MYLK4: variants seen among roughly 807,000 people sequenced by gnomAD.
MYLK4 encodes the protein caMLCK like.
In MYLK4, 46 loss-of-function variants were observed where a neutral mutation model predicts 48.1. That is an observed-to-expected ratio of 0.96 (90% confidence interval 0.75 to 1.22). The LOEUF (loss-of-function observed/expected upper bound fraction) is 1.22. MYLK4 is among the 50% of genes most tolerant of loss of function. The probability of loss-of-function intolerance (pLI) is 0.00; values close to 1 mark genes in which losing one functional copy is unlikely to be tolerated. For missense variants in MYLK4, 451 were observed against 486.1 expected, an observed-to-expected ratio of 0.93 and a Z score of 0.68; for synonymous variants, 170 against 180.8, an observed-to-expected ratio of 0.94 and a Z score of 0.48.
At chr6:2,694,565 AGTGGTAGTGCTGC>A (rs1761976632) in intron 2 of MYLK4, among the ~76,000 whole-genome samples, 11 of 32,732 alleles carry the variant, frequency 3.4e-4, no homozygotes, top group Non-Finnish European at 4.3e-4. Context: ...TCGTGGTGGT[AGTGGTAGTGCTGC>A]TGGTGGTGGT....
Position 2,683,015 on chromosome 6 carries a change from C to T in MYLK4, c.687+6G>A. 6.2e-7 allele frequency: 1 copy of T among 1,614,122 alleles called. No homozygotes were observed. Among genetic ancestry groups the T allele is most frequent in the Admixed American group, 1.7e-5 (1 of 60,028 alleles). On this transcript the variant is annotated splice_donor_region_variant and intron_variant, in intron 7 of 12. Transcript: ENST00000274643. The stretch of plus-strand genomic sequence containing the variant: ...TTACGTCTCACAGGATACAAAACAC[C>T]CTTACCTTCAGGTCCAAGTGGAGAA...
intron 2 of MYLK4, among the ~76,000 whole-genome samples, chr6:2,719,473 A>C (rs1191524343): frequency 6.6e-6 from 1 of 152,216 alleles, no homozygotes; most frequent in Non-Finnish European, 1.5e-5. Flanking sequence ...AAAGCAACTA[A>C]ATACAGTAAC....
intron 10 of MYLK4, among the ~76,000 whole-genome samples, chr6:2,675,999 G>T (rs1156616727): frequency 6.6e-6 from 1 of 151,464 alleles, no homozygotes; most frequent in African/African-American, 2.4e-5. Context: ...GGCTGAGGAA[G>T]GAGAATCACG....
chr6:2,764,298 C>T, the MYLK4 span, among the ~76,000 whole-genome samples: 1 of 152,084 alleles, frequency 6.6e-6, no homozygotes, highest in Non-Finnish European at 1.5e-5. Context: ...CAGCCTGTAA[C>T]CCCAGGACGA....
At chr6:2,678,505 A>G in intron 9 of MYLK4, 133 bp from the exon 10 acceptor site, 1 of 1,010,472 alleles carries the variant, frequency 9.9e-7, no homozygotes. Flanking sequence ...TAATTTTATA[A>G]CATATTATTG....
At chr6:2,676,319 T>C (rs1178143276) in intron 10 of MYLK4, among the ~76,000 whole-genome samples, 4 of 152,262 alleles carry the variant, frequency 2.6e-5, no homozygotes, top group Admixed American at 2.6e-4. Context: ...ACCATTATAG[T>C]GCCAAAAACA....
chr6:2,766,214 A>G, the MYLK4 span: 4 of 1,469,994 alleles, frequency 2.7e-6, no homozygotes, highest in South Asian at 1.3e-5. Flanking sequence ...CGAAGCCGCC[A>G]CCGCCTTCGG....
At chr6:2,689,570 C>T (rs1761696147) in intron 3 of MYLK4, among the ~76,000 whole-genome samples, 1 of 152,204 alleles carries the variant, frequency 6.6e-6, no homozygotes, top group South Asian at 2.1e-4. Context: ...ACTTTCTCCC[C>T]TTCCACCTTA....
chr6:2,748,915 T>G (rs1764189379), intron 2 of MYLK4, among the ~76,000 whole-genome samples: 1 of 152,246 alleles, frequency 6.6e-6, no homozygotes, highest in African/African-American at 2.4e-5. Flanking sequence ...AGCCACTAAC[T>G]AAAAGTGAAG....
intron 2 of MYLK4, among the ~76,000 whole-genome samples, chr6:2,723,930 G>A (rs959943487): frequency 2.0e-5 from 3 of 152,090 alleles, no homozygotes; most frequent in Non-Finnish European, 4.4e-5. Context: ...AGACTGGAGG[G>A]CAGTGGCGTG....
the MYLK4 span, chr6:2,765,629 G>A: frequency 2.0e-6 from 3 of 1,534,140 alleles, no homozygotes; most frequent in South Asian, 3.5e-5. Context: ...CGCCATGGAG[G>A]TGAGCGGGCC....
rs755428233 is a variant in MYLK4 at position 2,679,292 on chromosome 6, A to T, written c.875T>A (p.Ile292Asn). 3 of 1,614,194 alleles carry T rather than the reference A, an allele frequency of 1.9e-6. No individual in the cohort carries two copies. The South Asian group carries it at 3.3e-5, about 18-fold the overall frequency. ...FPTDMWSVGV[I>N]AYMLLSGLSP... ...GAGAGCTACTCACAGCATATAGGCG[A>T]TGACCCCCACACTCCACATGTCAGT... The change falls in exon 9 of 13, where the codon ATC (isoleucine) becomes AAC (asparagine). Residue 292 changes from isoleucine (I) to asparagine (N), a missense_variant. Transcript: ENST00000274643.
chr6:2,729,086 G>A (rs540373326), intron 2 of MYLK4, among the ~76,000 whole-genome samples: 1 of 152,268 alleles, frequency 6.6e-6, no homozygotes, highest in East Asian at 1.9e-4. Flanking sequence ...CTCACGCTTG[G>A]GATCCCAAGG....
chr6:2,761,041 T>G, the MYLK4 span, among the ~76,000 whole-genome samples: 2 of 152,190 alleles, frequency 1.3e-5, no homozygotes, highest in African/African-American at 4.8e-5. Flanking sequence ...ACCTTAGGTA[T>G]GAACATGAAG....
chr6:2,763,167 A>G, the MYLK4 span, among the ~76,000 whole-genome samples: 1 of 152,194 alleles, frequency 6.6e-6, no homozygotes, highest in African/African-American at 2.4e-5. Context: ...GTGTGTTTAC[A>G]AACCTTGAGC....
chr6:2,713,388 GA>G (rs10718980), intron 2 of MYLK4, among the ~76,000 whole-genome samples: 124,078 of 149,322 alleles, frequency 0.83, 51,676 homozygotes, highest in Middle Eastern at 0.88. Context: ...AAAAAAAAAA[GA>G]AAAAAAGAAA....
rs1250248230 is a variant in MYLK4 at position 2,672,994 on chromosome 6, T to G, written c.1120-1646A>C. 6.6e-6 allele frequency among the ~76,000 whole-genome samples: 1 copy of G among 152,200 alleles called. No individual in the cohort carries two copies. Among genetic ancestry groups the G allele is most frequent in the Non-Finnish European group, 1.5e-5 (1 of 68,034 alleles). On this transcript the variant is annotated intron_variant, in intron 11 of 12. Coordinates refer to ENST00000274643, the MANE Select transcript of MYLK4 (RefSeq NM_001012418.5). The surrounding 1 kb of genome is among the most constrained non-coding windows in gnomAD (Gnocchi z 4.3). ...AATAACTAGATTTATAAAATGAAATTTATTTTTCATTAAAAAAAACCCATC... is the reference window on the plus strand; with the variant it reads ...AATAACTAGATTTATAAAATGAAATGTATTTTTCATTAAAAAAAACCCATC...
intron 2 of MYLK4, among the ~76,000 whole-genome samples, chr6:2,705,978 T>A (rs1048502529): frequency 1.3e-5 from 2 of 151,702 alleles, no homozygotes; most frequent in South Asian, 4.2e-4. Flanking sequence ...TGAAATGAGA[T>A]TCTACCCAAT....
chr6:2,762,536 T>C, the MYLK4 span, among the ~76,000 whole-genome samples: 4 of 152,264 alleles, frequency 2.6e-5, no homozygotes, highest in Non-Finnish European at 4.4e-5. Flanking sequence ...ATCAGTGTAC[T>C]GTATTTCCAC....
Sources: gnomAD v4.1 joint callset for allele counts (sites outside exome capture counted in the v4.1 genomes callset) on GRCh38, gnomAD v4.1.1 for gene constraint, Gnocchi (gnomAD v3.1) non-coding constraint, MANE v1.5 for transcripts, NCBI Gene and HGNC (gene_info 2026-07-23, HGNC 2026-07-21) for gene names.